CSMD1: variants seen among roughly 807,000 people sequenced by gnomAD.
CSMD1 encodes CUB and Sushi multiple domains 1.
In CSMD1, 213 loss-of-function variants were observed where a neutral mutation model predicts 417.5. The observed-to-expected ratio is 0.51, with a 90% CI of 0.46 to 0.57. The LOEUF is 0.57. Ranked by LOEUF, CSMD1 falls within the 20% of genes least tolerant of loss-of-function variation. The pLI, the probability that CSMD1 is intolerant of heterozygous loss-of-function variation, is 0.00. For missense variants in CSMD1, 6,923 were observed against 4,529.7 expected, an observed-to-expected ratio of 1.53 and a Z score of -15.17; for synonymous variants, 2,862 against 1,736.8, an observed-to-expected ratio of 1.65 and a Z score of -16.11.
At chr8:4,017,774 G>C (rs926642385) in intron 4 of CSMD1, among the ~76,000 whole-genome samples, 5 of 152,098 alleles carry the variant, frequency 3.3e-5, no homozygotes, top group Non-Finnish European at 7.4e-5. Flanking sequence ...TAAATGAAGA[G>C]ATGTCCTCTT....
At chr8:3,700,836 C>A (rs1180061522) in intron 7 of CSMD1, among the ~76,000 whole-genome samples, 1 of 152,028 alleles carries the variant, frequency 6.6e-6, no homozygotes, top group African/African-American at 2.4e-5. Context: ...GGAATTTGGA[C>A]TCGTTCTGCC....
intron 3 of CSMD1, among the ~76,000 whole-genome samples, chr8:4,319,765 G>A (rs1361288645): frequency 2.0e-5 from 3 of 152,108 alleles, no homozygotes; most frequent in Admixed American, 6.5e-5. Context: ...TGCTAGAGTT[G>A]CCGGGCAAAA....
chr8:4,161,588 A>G (rs1022331049), intron 3 of CSMD1, among the ~76,000 whole-genome samples: 2 of 152,158 alleles, frequency 1.3e-5, no homozygotes, highest in Non-Finnish European at 2.9e-5. Flanking sequence ...CAAGCGGTAC[A>G]TTTTGATCTA....
At chr8:4,511,224 C>G (rs1014105419) in intron 2 of CSMD1, among the ~76,000 whole-genome samples, 1 of 152,018 alleles carries the variant, frequency 6.6e-6, no homozygotes, top group Non-Finnish European at 1.5e-5. Context: ...TTAACCTGTC[C>G]CAAAAGAAAG....
intron 41 of CSMD1, among the ~76,000 whole-genome samples, chr8:3,139,544 A>G (rs1180404800): frequency 6.6e-6 from 1 of 152,200 alleles, no homozygotes; most frequent in Non-Finnish European, 1.5e-5. Flanking sequence ...AGAAGACCCC[A>G]TCATGTTAGA....
In CSMD1 at chr8:3,359,286, A is replaced by G. The variant is rs766210969; in HGVS notation, c.3170T>C (p.Ile1057Thr). 3.1e-6 allele frequency: 5 copies of G among 1,613,834 alleles called. No individual in the cohort carries two copies. The highest frequency in any genetic ancestry group is 2.2e-5 in the East Asian group (1 of 44,864). ...DPGVPAFSRR[I>T]GFHFGVGDSL... Reference sequence around the variant, plus strand: ...GTCTCCCACACCAAAGTGAAAACCAATTCTTCGGCTGAAGGCAGGGACTCC... The same window carrying G: ...GTCTCCCACACCAAAGTGAAAACCAGTTCTTCGGCTGAAGGCAGGGACTCC... Residue 1057 changes from isoleucine to threonine, a missense_variant, in exon 21 of 70, where the codon ATT (isoleucine) becomes ACT (threonine). Physicochemically the swap from Ile to Thr is moderately conservative, Grantham distance 89 (BLOSUM62 -1). Transcript: ENST00000635120.
intron 5 of CSMD1, among the ~76,000 whole-genome samples, chr8:3,903,681 G>A (rs879707378): frequency 2.0e-5 from 3 of 152,110 alleles, no homozygotes; most frequent in Admixed American, 2.0e-4. Flanking sequence ...GCTGTCTAAT[G>A]ATGTGATTAC....
In CSMD1 at chr8:2,952,714, G is replaced by A. The variant is rs771902955; in HGVS notation, c.10040-1439C>T. Among the ~76,000 whole-genome samples the A allele has an allele frequency of 9.7e-4, 148 of 152,206 alleles. No homozygotes were observed. The Middle Eastern group carries it at 0.014, about 14-fold the overall frequency. ...TATCTTCCCTAATTAGAATTTATAT[G>A]CTCTTCTGAAGTTACTAATCCACTT... On this transcript the variant is annotated intron_variant, in intron 65 of 69. Coordinates refer to ENST00000635120, the MANE Select transcript of CSMD1 (RefSeq NM_033225.6).
intron 3 of CSMD1, among the ~76,000 whole-genome samples, chr8:4,283,818 A>C (rs924862907): frequency 1.3e-5 from 2 of 152,182 alleles, no homozygotes; most frequent in Admixed American, 6.5e-5. Flanking sequence ...CCACCTATAA[A>C]ATCCTACTCT....
intron 2 of CSMD1, among the ~76,000 whole-genome samples, chr8:4,620,110 C>T (rs568522464): frequency 6.6e-6 from 1 of 151,702 alleles, no homozygotes; most frequent in Non-Finnish European, 1.5e-5. Flanking sequence ...TAATTATTAT[C>T]AGTTATAGGA....
chr8:4,200,495 T>C (rs1244767570), intron 3 of CSMD1, among the ~76,000 whole-genome samples: 1 of 152,162 alleles, frequency 6.6e-6, no homozygotes, highest in Non-Finnish European at 1.5e-5. Flanking sequence ...GATAATCACT[T>C]AGGTAAAAAA....
intron 3 of CSMD1, among the ~76,000 whole-genome samples, chr8:4,278,215 G>A (rs1796592004): frequency 6.6e-6 from 1 of 152,122 alleles, no homozygotes; most frequent in East Asian, 1.9e-4. Flanking sequence ...ATAGAGCCAA[G>A]CTTGGTAAGT....
At chr8:3,262,822 ATGAAT>A (rs1801179894) in intron 26 of CSMD1, among the ~76,000 whole-genome samples, 1 of 152,264 alleles carries the variant, frequency 6.6e-6, no homozygotes, top group Non-Finnish European at 1.5e-5. Flanking sequence ...ACATAAGTAA[ATGAAT>A]TCTACAATCT....
chr8:4,117,792 G>C (rs1295151796), intron 3 of CSMD1, among the ~76,000 whole-genome samples: 2 of 152,028 alleles, frequency 1.3e-5, no homozygotes, highest in Non-Finnish European at 2.9e-5. Context: ...AGAATGTCAG[G>C]CTCAGAACGT....
At chr8:3,819,434 T>C (rs558045174) in intron 5 of CSMD1, among the ~76,000 whole-genome samples, 7 of 152,050 alleles carry the variant, frequency 4.6e-5, no homozygotes, top group African/African-American at 1.7e-4. Context: ...GTAAAGAAAG[T>C]TGGAAGCTAG....
At chr8:3,657,070 G>A (rs893942760) in intron 7 of CSMD1, among the ~76,000 whole-genome samples, 2 of 152,166 alleles carry the variant, frequency 1.3e-5, no homozygotes, top group Non-Finnish European at 2.9e-5. Context: ...CTTTTCTTCT[G>A]GAGAGAGTCC....
intron 3 of CSMD1, among the ~76,000 whole-genome samples, chr8:4,135,814 A>C (rs1803394839): frequency 6.6e-6 from 1 of 152,208 alleles, no homozygotes; most frequent in Admixed American, 6.5e-5. Context: ...ATCCATTTTT[A>C]AACAATGGGA....
At chr8:4,349,717 T>G (rs1022983265) in intron 3 of CSMD1, among the ~76,000 whole-genome samples, 1 of 152,118 alleles carries the variant, frequency 6.6e-6, no homozygotes, top group Non-Finnish European at 1.5e-5. Context: ...CAATCATCAG[T>G]TACAAGATCA....
chr8:3,729,952 A>G (rs1416664820), intron 6 of CSMD1, among the ~76,000 whole-genome samples: 2 of 13,112 alleles, frequency 1.5e-4, no homozygotes, highest in Admixed American at 1.5e-3. Flanking sequence ...AAAAAAAAAA[A>G]AAAAAAAAAC....
Sources: allele counts gnomAD v4.1 joint callset (sites outside exome capture counted in the v4.1 genomes callset), GRCh38; gene constraint gnomAD v4.1.1; transcripts MANE v1.5; gene names NCBI Gene and HGNC (gene_info 2026-07-23, HGNC 2026-07-21).